Variants in STK32B observed in about 807,000 individuals in gnomAD.
STK32B encodes serine/threonine kinase 32B, also known as serine/threonine-protein kinase 32B.
Under a neutral mutation model 52.6 loss-of-function variants are expected in STK32B, and 43 were observed. The ratio of observed to expected loss-of-function variants is 0.82; its 90% CI spans 0.64 to 1.05. The LOEUF (loss-of-function observed/expected upper bound fraction) is 1.05. Among genes scored for constraint, STK32B ranks in the 50% least tolerant of loss-of-function variants. STK32B has a pLI of 0.00. For missense variants in STK32B, 621 were observed against 534.6 expected (o/e 1.16, Z -1.59); for synonymous variants, 238 against 204.3 (o/e 1.17, Z -1.41).
rs1293941701 is a variant in STK32B at position 5,474,473 on chromosome 4, C to A, written c.1106+6403C>A. ...CGAAGTGCTTTGACATTTCTCGTAT[C>A]TCTTCAGCAACCCAACTAGTAAGAA... On this transcript the variant is annotated intron_variant, in intron 11 of 11. Coordinates refer to ENST00000282908, the MANE Select transcript of STK32B (RefSeq NM_018401.3). Among the ~76,000 whole-genome samples, 4 of 152,344 alleles carry A rather than the reference C, an allele frequency of 2.6e-5. No individual in the cohort carries two copies. The East Asian group carries it at 7.7e-4, about 29-fold the overall frequency.
chr4:5,487,853 G>A (rs928482271), intron 11 of STK32B, among the ~76,000 whole-genome samples: 28 of 152,146 alleles, frequency 1.8e-4, no homozygotes, highest in Non-Finnish European at 2.9e-5. Flanking sequence ...TATGGCATCA[G>A]GAAGCTTGGT....
intron 7 of STK32B, among the ~76,000 whole-genome samples, chr4:5,449,325 A>G (rs779059632): frequency 1.3e-5 from 2 of 152,200 alleles, no homozygotes; most frequent in Non-Finnish European, 1.5e-5. Flanking sequence ...CCTGGGTGTG[A>G]CAGAGCAAGA....
intron 3 of STK32B, among the ~76,000 whole-genome samples, chr4:5,202,909 A>T (rs542943069): frequency 6.6e-6 from 1 of 152,202 alleles, no homozygotes; most frequent in Non-Finnish European, 1.5e-5. Flanking sequence ...GAAATAGCTT[A>T]TTTATTAATA....
In STK32B at chr4:5,058,988, T is replaced by C. The variant is rs770980706; in HGVS notation, c.52+7073T>C. On this transcript the variant is annotated intron_variant, in intron 1 of 11. Coordinates refer to ENST00000282908, the MANE Select transcript of STK32B (RefSeq NM_018401.3). The surrounding 1 kb of genome is among the most constrained non-coding windows in gnomAD (Gnocchi z 4.8). The stretch of plus-strand genomic sequence containing the variant: ...CTGGTCTCGAACTCCTGACCTCAGG[T>C]GATCTGCCCACCTTGGCCTCCCAAA... Among the ~76,000 whole-genome samples, 2 of 146,478 alleles carry C rather than the reference T, an allele frequency of 1.4e-5. No homozygotes were observed. The highest frequency in any genetic ancestry group is 3.0e-5 in the Non-Finnish European group (2 of 66,814).
intron 3 of STK32B, among the ~76,000 whole-genome samples, chr4:5,233,437 A>G (rs1354300648): frequency 6.6e-6 from 1 of 152,094 alleles, no homozygotes; most frequent in Non-Finnish European, 1.5e-5. Context: ...AAGAAAGGGG[A>G]CAGCTGATAT....
At chr4:5,082,934 G>A (rs1054821107) in intron 1 of STK32B, among the ~76,000 whole-genome samples, 4 of 152,026 alleles carry the variant, frequency 2.6e-5, no homozygotes, top group African/African-American at 9.7e-5. Context: ...CCATTGATTG[G>A]TATTTTCCAC....
the STK32B span, among the ~76,000 whole-genome samples, chr4:5,040,285 C>G: frequency 1.3e-5 from 2 of 152,234 alleles, no homozygotes; most frequent in East Asian, 1.9e-4. Flanking sequence ...CTCTGCCACA[C>G]TGCCCAACTC....
At chr4:5,066,181 G>A (rs1742417070) in intron 1 of STK32B, among the ~76,000 whole-genome samples, 1 of 152,150 alleles carries the variant, frequency 6.6e-6, no homozygotes, top group Admixed American at 6.5e-5. Flanking sequence ...TCCTAGTTTA[G>A]TGTATAGTGT....
At position 5,317,262 on chromosome 4, in the gene STK32B, A is replaced by T. The variant is rs1401779115; in HGVS notation, c.261-13958A>T. 3.2e-4 allele frequency among the ~76,000 whole-genome samples: 13 copies of T among 40,460 alleles called. 2 individuals are homozygous for T. The highest frequency in any genetic ancestry group is 2.8e-3 in the East Asian group (3 of 1,080). 26.5% of individuals were successfully genotyped at this position (40,460 alleles called of 152,430 possible). A position where few individuals can be genotyped will look rare whatever the true frequency, so the allele number is the denominator to read the frequency against. On this transcript the variant is annotated intron_variant, in intron 3 of 11. Transcript: ENST00000282908. ...ATATATATTATATATAACATATAAC[A>T]TATATATAATATATAACATATAACA... is the stretch of plus-strand genomic sequence containing the variant.
At chr4:5,209,172 G>A (rs1722757472) in intron 3 of STK32B, among the ~76,000 whole-genome samples, 1 of 152,216 alleles carries the variant, frequency 6.6e-6, no homozygotes, top group African/African-American at 2.4e-5. Flanking sequence ...GGTGGGTGAA[G>A]AGGGAGAGAT....
chr4:5,051,977 G>A (rs1004759610), intron 1 of STK32B, 62 bp downstream of exon 1: 92 of 1,549,552 alleles, frequency 5.9e-5, no homozygotes, highest in Non-Finnish European at 1.2e-5. Context: ...CACCACCCTC[G>A]GCCGAGCCCT....
At chr4:5,442,729 G>A (rs1250803322) in intron 6 of STK32B, among the ~76,000 whole-genome samples, 3 of 152,158 alleles carry the variant, frequency 2.0e-5, no homozygotes, top group Non-Finnish European at 4.4e-5. Context: ...GCATGATTTT[G>A]CAGTGGCTGG....
chr4:5,443,822 C>G (rs10006985), intron 6 of STK32B, among the ~76,000 whole-genome samples: 14,189 of 152,038 alleles, frequency 0.093, 1,004 homozygotes, highest in East Asian at 0.4. Flanking sequence ...TTCTAACAGA[C>G]AGGACCCTCA....
intron 4 of STK32B, among the ~76,000 whole-genome samples, chr4:5,349,646 A>G (rs1476873614): frequency 6.6e-6 from 1 of 152,198 alleles, no homozygotes; most frequent in African/African-American, 2.4e-5. Context: ...CCAATCAAAA[A>G]CAAATGTATT....
intron 11 of STK32B, among the ~76,000 whole-genome samples, chr4:5,494,340 T>G (rs929497159): frequency 2.6e-5 from 4 of 152,014 alleles, no homozygotes; most frequent in African/African-American, 9.7e-5. Context: ...GTAATGGCCT[T>G]GTCTCTTTTG....
At chr4:5,069,190 CTTTTTTTT>C (rs11309394) in intron 1 of STK32B, among the ~76,000 whole-genome samples, 1 of 99,582 alleles carries the variant, frequency 1.0e-5, no homozygotes, top group Non-Finnish European at 2.0e-5. Context: ...GGCAGGTTCT[CTTTTTTTT>C]TTTTTTTTTT....
At chr4:5,269,598 T>G (rs1207232100) in intron 3 of STK32B, among the ~76,000 whole-genome samples, 1 of 152,212 alleles carries the variant, frequency 6.6e-6, no homozygotes, top group Admixed American at 6.5e-5. Context: ...TTATTATAAC[T>G]GTATTCCTCA....
At chr4:5,476,934 T>C (rs1214782310) in intron 11 of STK32B, among the ~76,000 whole-genome samples, 2 of 151,784 alleles carry the variant, frequency 1.3e-5, no homozygotes, top group South Asian at 2.1e-4. Flanking sequence ...CACCAGAAAC[T>C]GGAAGAGACA....
At chr4:5,231,864 G>A (rs1160436941) in intron 3 of STK32B, among the ~76,000 whole-genome samples, 2 of 152,150 alleles carry the variant, frequency 1.3e-5, no homozygotes, top group Non-Finnish European at 2.9e-5. Context: ...GGTATTTTTT[G>A]AGGTGGGGAG....
Sources: gnomAD v4.1 joint callset for allele counts (sites outside exome capture counted in the v4.1 genomes callset) on GRCh38, gnomAD v4.1.1 for gene constraint, Gnocchi (gnomAD v3.1) non-coding constraint, MANE v1.5 for transcripts, NCBI Gene and HGNC (gene_info 2026-07-23, HGNC 2026-07-21) for gene names.